The following PCNX2 variants were observed in gnomAD, a reference collection of about 807,000 sequenced individuals.
The protein encoded by PCNX2 is pecanex 2.
PCNX2 carries 168 observed loss-of-function variants against 223.8 expected under a neutral mutation model. The ratio of observed to expected loss-of-function variants is 0.75; its 90% CI spans 0.66 to 0.85. PCNX2 has a LOEUF of 0.85. Ranked by LOEUF, PCNX2 falls within the 40% of genes least tolerant of loss-of-function variation. PCNX2 has a pLI of 0.00. For synonymous variants in PCNX2, 1,006 were observed against 1,052.6 expected (o/e 0.96, Z 0.86); for missense variants, 2,507 against 2,675.5 (o/e 0.94, Z 1.39).
intron 1 of PCNX2, among the ~76,000 whole-genome samples, chr1:233,277,560 T>A (rs1052872445): frequency 1.3e-5 from 2 of 152,044 alleles, no homozygotes; most frequent in Non-Finnish European, 2.9e-5. Flanking sequence ...TAAAGTAGTA[T>A]TTAAACACTA....
chr1:233,137,691 A>C (rs1192145334), intron 20 of PCNX2, among the ~76,000 whole-genome samples: 1 of 152,202 alleles, frequency 6.6e-6, no homozygotes, highest in Non-Finnish European at 1.5e-5. Flanking sequence ...GACTGCACTT[A>C]GCTGAAGGTT....
At chr1:233,308,867 G>A in the PCNX2 span, among the ~76,000 whole-genome samples, 2 of 152,106 alleles carry the variant, frequency 1.3e-5, no homozygotes, top group Non-Finnish European at 2.9e-5. Flanking sequence ...AGCACAAAAT[G>A]TGATATAAAA....
intron 15 of PCNX2, among the ~76,000 whole-genome samples, chr1:233,191,192 C>G (rs1441382924): frequency 6.6e-6 from 1 of 152,170 alleles, no homozygotes. Flanking sequence ...GGGCGTTCAG[C>G]ATTTGTCAAA....
At chr1:233,174,955 A>C (rs1679386645) in intron 17 of PCNX2, among the ~76,000 whole-genome samples, 1 of 152,230 alleles carries the variant, frequency 6.6e-6, no homozygotes, top group African/African-American at 2.4e-5. Flanking sequence ...CCTAAACAGA[A>C]TCACCTGGGT....
the PCNX2 span, among the ~76,000 whole-genome samples, chr1:233,325,701 T>C: frequency 2.0e-5 from 3 of 152,086 alleles, no homozygotes; most frequent in African/African-American, 7.2e-5. Context: ...GCGGAGTTGC[T>C]TCTTATGGAG....
chr1:233,290,651 GCTTA>G (rs751740300), intron 1 of PCNX2: 226 of 737,064 alleles, frequency 3.1e-4, no homozygotes, highest in Non-Finnish European at 3.5e-4. Flanking sequence ...TGTGTTGGGT[GCTTA>G]CTATTTGCCT....
rs777621492 is a variant in PCNX2, at chr1:233,252,360, C to T, written c.2122G>A (p.Glu708Lys). ...SVDAMHVFID[E>K]HGEIRSCYLK... is the part of the protein sequence containing the mutation. ...AAGAGCTCCAAAGACTCACCATGTTCATCAATGAAGACATGCATAGCATCC... is the reference window on the plus strand; with the variant it reads ...AAGAGCTCCAAAGACTCACCATGTTTATCAATGAAGACATGCATAGCATCC... The change falls in exon 7 of 34, where the codon GAA becomes AAA. Residue 708 changes from glutamate to lysine, a missense_variant. By Grantham distance (56) the Glu-to-Lys change is moderately conservative. This residue lies in a region of PCNX2 where 1,031 missense variants were observed against 1,021.7 expected (regional missense o/e 1.01). Transcript: ENST00000258229. 18 of 1,603,912 alleles carry T rather than the reference C, an allele frequency of 1.1e-5. No individual in the cohort carries two copies. In the Admixed American group the frequency reaches 2.9e-4, roughly 26 times the overall value.
At chr1:233,039,179 AC>A (rs1671559457) in intron 25 of PCNX2, among the ~76,000 whole-genome samples, 1 of 152,194 alleles carries the variant, frequency 6.6e-6, no homozygotes, top group African/African-American at 2.4e-5. Flanking sequence ...AACTTCAAGA[AC>A]CAAAAATACT....
At chr1:233,141,593 A>G (rs1386556322) in intron 19 of PCNX2, among the ~76,000 whole-genome samples, 1 of 152,154 alleles carries the variant, frequency 6.6e-6, no homozygotes, top group Non-Finnish European at 1.5e-5. Flanking sequence ...TTGAACCCGG[A>G]ACCCGGGAGG....
At chr1:233,205,660 C>T (rs1203783890) in intron 13 of PCNX2, among the ~76,000 whole-genome samples, 1 of 151,734 alleles carries the variant, frequency 6.6e-6, no homozygotes, top group African/African-American at 2.4e-5. Context: ...CGTGCCTCTG[C>T]ACTCTACTGA....
Position 232,990,935 on chromosome 1 carries a change from GCCCCT to G in PCNX2, c.5792-4400_5792-4396del, listed in dbSNP as rs1339683984. ...GGGGAGGCTCCAGTGCATGCAGGCA[GCCCCT>G]CACCTGGCAGGATGTGGGGAGAGTG... On this transcript the variant is annotated intron_variant, in intron 32 of 33. Transcript: ENST00000258229. The surrounding 1 kb of genome is among the most constrained non-coding windows in gnomAD (Gnocchi z 4.3). Among the ~76,000 whole-genome samples the G allele has an allele frequency of 6.6e-6, 1 of 152,238 alleles. No individual in the cohort carries two copies. Among genetic ancestry groups the G allele is most frequent in the Non-Finnish European group, 1.5e-5 (1 of 68,050 alleles).
chr1:233,187,156 C>T (rs888735091), intron 15 of PCNX2, among the ~76,000 whole-genome samples: 16 of 152,236 alleles, frequency 1.1e-4, no homozygotes, highest in African/African-American at 3.6e-4. Context: ...TGACTTGCTG[C>T]TTAACATTCA....
chr1:233,242,181 A>G lies in PCNX2; in HGVS notation c.2223-5201T>C, dbSNP rs77222735. On this transcript the variant is annotated intron_variant, in intron 8 of 33. Transcript: ENST00000258229. ...CAGAGATATACGGCAGCTTTCAAAC[A>G]TAAGCCTAATTTATAAACTAAAAAT... 2.1e-3 allele frequency among the ~76,000 whole-genome samples: 315 copies of G among 152,322 alleles called. 3 individuals are homozygous for G. The East Asian group carries it at 0.031, about 15-fold the overall frequency.
In PCNX2 at chr1:233,259,821, T is replaced by TA. The variant is rs1659955271; in HGVS notation, c.518-478dup. The TA allele has an allele frequency of 6.7e-6, 6 of 890,464 alleles. No individual in the cohort carries two copies. The South Asian group carries it at 3.1e-4, about 46-fold the overall frequency. 55.2% of individuals were successfully genotyped at this position (890,464 alleles called of 1,614,324 possible). A position where few individuals can be genotyped will look rare whatever the true frequency, so the allele number is the denominator to read the frequency against. On this transcript the variant is annotated intron_variant, in intron 4 of 33. Coordinates refer to ENST00000258229, the MANE Select transcript of PCNX2 (RefSeq NM_014801.4). ...TCTTATTTACGGCTGCATTGATACTTATTTTTTAAAATAACACTCCCACTG... is the reference window on the plus strand; with the variant it reads ...TCTTATTTACGGCTGCATTGATACTTAATTTTTTAAAATAACACTCCCACTG...
intron 23 of PCNX2, among the ~76,000 whole-genome samples, chr1:233,063,399 G>A (rs915031384): frequency 6.6e-6 from 1 of 152,200 alleles, no homozygotes; most frequent in Non-Finnish European, 1.5e-5. Context: ...GAGAGAGAAT[G>A]AGAGTGGGGG....
intron 15 of PCNX2, among the ~76,000 whole-genome samples, chr1:233,186,000 G>T (rs995100620): frequency 6.6e-6 from 1 of 152,174 alleles, no homozygotes; most frequent in African/African-American, 2.4e-5. Flanking sequence ...AGAATGCATA[G>T]GGCAGTCCGG....
At position 233,122,060 on chromosome 1, in the gene PCNX2, G is replaced by A. The variant is rs574806159; in HGVS notation, c.3837+12953C>T. ...GAGCCTAGATCATCCTGTAGTGACA[G>A]AAAGTTAGAAAGTACACACACACAC... On this transcript the variant is annotated intron_variant, in intron 21 of 33. Transcript: ENST00000258229. Among the ~76,000 whole-genome samples, 132 of 149,370 alleles carry A rather than the reference G, an allele frequency of 8.8e-4. No individual in the cohort carries two copies. In the Middle Eastern group the frequency reaches 0.014, roughly 16 times the overall value.
intron 12 of PCNX2, among the ~76,000 whole-genome samples, chr1:233,214,432 A>G (rs950456115): frequency 1.3e-5 from 2 of 152,266 alleles, no homozygotes; most frequent in Middle Eastern, 3.4e-3. Flanking sequence ...TCAAAGTGTG[A>G]TCTGTGATTG....
chr1:233,045,051 A>G (rs975345594), intron 25 of PCNX2, among the ~76,000 whole-genome samples: 1 of 152,118 alleles, frequency 6.6e-6, no homozygotes, highest in African/African-American at 2.4e-5. Flanking sequence ...ATGGACCTTG[A>G]TCATTCTTTT....
Sources: allele counts gnomAD v4.1 joint callset (sites outside exome capture counted in the v4.1 genomes callset), GRCh38; gene constraint gnomAD v4.1.1; regional missense constraint gnomAD v4.1.1; non-coding constraint Gnocchi (gnomAD v3.1); transcripts MANE v1.5; gene names NCBI Gene and HGNC (gene_info 2026-07-23, HGNC 2026-07-21).